The following LDLRAD4 variants were observed in gnomAD, a reference collection of about 807,000 sequenced individuals.
The protein encoded by LDLRAD4 is low density lipoprotein receptor class A domain containing 4, also known as low-density lipoprotein receptor class A domain-containing protein 4.
Under a neutral mutation model 17.0 loss-of-function variants are expected in LDLRAD4, and 5 were observed. The ratio of observed to expected loss-of-function variants is 0.29; its 90% confidence interval spans 0.15 to 0.62. The LOEUF is 0.62. LDLRAD4 is among the 20% of genes least tolerant of loss of function. The pLI is 0.84. For missense variants in LDLRAD4, 340 were observed against 424.7 expected (o/e 0.80, Z 1.75); for synonymous variants, 168 against 171.8 (o/e 0.98, Z 0.17).
At chr18:13,571,785 C>T (rs1311398414) in intron 3 of LDLRAD4, among the ~76,000 whole-genome samples, 23 of 152,026 alleles carry the variant, frequency 1.5e-4, no homozygotes, top group Non-Finnish European at 1.3e-4. Context: ...TACAGGCGCC[C>T]GCCACTATGC....
chr18:13,615,675 G>A (rs1601725974), intron 3 of LDLRAD4: 1 of 152,354 alleles, frequency 6.6e-6, no homozygotes, highest in East Asian at 1.9e-4. Flanking sequence ...TGTCACTGCT[G>A]TACAATAATA....
intron 1 of LDLRAD4, among the ~76,000 whole-genome samples, chr18:13,238,957 G>T (rs1287337593): frequency 6.6e-6 from 1 of 151,994 alleles, no homozygotes; most frequent in Admixed American, 6.6e-5. Flanking sequence ...AGGCTGAGGT[G>T]GGCGGATCAC....
At chr18:13,580,959 T>C (rs186890202) in intron 3 of LDLRAD4, among the ~76,000 whole-genome samples, 1 of 152,378 alleles carries the variant, frequency 6.6e-6, no homozygotes. Flanking sequence ...TTGTGTTCTG[T>C]ATACAGGTTG....
At chr18:13,438,124 A>T in intron 2 of LDLRAD4, 120 bp from the exon 4 acceptor site, 2 of 873,888 alleles carry the variant, frequency 2.3e-6, no homozygotes, top group Non-Finnish European at 3.7e-6. Flanking sequence ...CTCTCCAGAT[A>T]GTCTGAGCTC....
chr18:13,534,570 C>A (rs912976270), intron 3 of LDLRAD4, among the ~76,000 whole-genome samples: 11 of 151,966 alleles, frequency 7.2e-5, no homozygotes, highest in Non-Finnish European at 1.3e-4. Context: ...AAAAGAAAGT[C>A]AAAATAAACA....
intron 1 of LDLRAD4, chr18:13,235,076 C>T (rs564130650): frequency 6.6e-6 from 1 of 152,128 alleles, no homozygotes; most frequent in South Asian, 2.1e-4. Context: ...ATGGAGAAAC[C>T]CTGTCTCTAC....
intron 3 of LDLRAD4, among the ~76,000 whole-genome samples, chr18:13,467,469 A>G (rs1042559703): frequency 4.6e-5 from 7 of 152,268 alleles, no homozygotes; most frequent in Non-Finnish European, 1.0e-4. Flanking sequence ...TGAAAACAAT[A>G]CAAAATATTG....
intron 3 of LDLRAD4, among the ~76,000 whole-genome samples, chr18:13,576,799 G>A (rs543831491): frequency 6.6e-6 from 1 of 152,250 alleles, no homozygotes; most frequent in Non-Finnish European, 1.5e-5. Context: ...GCTGTGGAAG[G>A]TAGAGTGTTA....
chr18:13,363,459 TTC>T (rs1432481895), intron 1 of LDLRAD4, among the ~76,000 whole-genome samples: 1 of 152,142 alleles, frequency 6.6e-6, no homozygotes, highest in Non-Finnish European at 1.5e-5. Context: ...TCAAACAGAT[TTC>T]TCAAGTGTGC....
At chr18:13,631,637 G>GCCA (rs2148893671) in intron 4 of LDLRAD4, among the ~76,000 whole-genome samples, 1 of 152,246 alleles carries the variant, frequency 6.6e-6, no homozygotes, top group South Asian at 2.1e-4. Context: ...ATATTAAAAG[G>GCCA]GTTATACTGG....
At position 13,564,028 on chromosome 18, in the gene LDLRAD4, C is replaced by T. The variant is rs568193367; in HGVS notation, c.182-57089C>T. 1.2e-4 allele frequency among the ~76,000 whole-genome samples: 18 copies of T among 152,332 alleles called. No individual in the cohort carries two copies. The South Asian group carries it at 1.5e-3, about 12-fold the overall frequency. On this transcript the variant is annotated intron_variant, in intron 3 of 5. Transcript: ENST00000359446. ...TCAAGTGGTCCTCCCAACCCAGCCT[C>T]CCAAAGAGCTGGGACCACAGGTATG...
At chr18:13,220,834 T>C (rs757090437) in intron 1 of LDLRAD4, among the ~76,000 whole-genome samples, 5 of 152,340 alleles carry the variant, frequency 3.3e-5, no homozygotes, top group Middle Eastern at 6.8e-3. Context: ...AGAGTGACTT[T>C]TGCTCCTTGT....
intron 2 of LDLRAD4, among the ~76,000 whole-genome samples, chr18:13,406,273 A>G (rs1333371013): frequency 6.6e-6 from 1 of 152,130 alleles, no homozygotes; most frequent in East Asian, 1.9e-4. Context: ...TGAGAGAGTC[A>G]CGGATCTCAG....
chr18:13,289,307 A>T (rs867332838), intron 1 of LDLRAD4, among the ~76,000 whole-genome samples: 1 of 152,242 alleles, frequency 6.6e-6, no homozygotes, highest in Admixed American at 6.5e-5. Context: ...GCATAGGTGT[A>T]TAAACTGAGG....
At chr18:13,244,655 C>T (rs2042869792) in intron 1 of LDLRAD4, among the ~76,000 whole-genome samples, 1 of 152,152 alleles carries the variant, frequency 6.6e-6, no homozygotes, top group Non-Finnish European at 1.5e-5. Context: ...TTTACACCTG[C>T]AAGTGTTGCC....
At chr18:13,547,465 C>T (rs1226254305) in intron 3 of LDLRAD4, among the ~76,000 whole-genome samples, 1 of 152,220 alleles carries the variant, frequency 6.6e-6, no homozygotes, top group African/African-American at 2.4e-5. Flanking sequence ...CTGAGTTTTG[C>T]TCAGGCCCAC....
chr18:13,552,757 G>A (rs1249858168), intron 3 of LDLRAD4, among the ~76,000 whole-genome samples: 1 of 152,152 alleles, frequency 6.6e-6, no homozygotes, highest in Admixed American at 6.5e-5. Context: ...GAATCTGTCC[G>A]TCTCCCTCTT....
chr18:13,243,451 C>T (rs2042769488), intron 1 of LDLRAD4, among the ~76,000 whole-genome samples: 1 of 150,910 alleles, frequency 6.6e-6, no homozygotes, highest in Non-Finnish European at 1.5e-5. Flanking sequence ...CCCACCCAGC[C>T]ACCCACTCGT....
intron 3 of LDLRAD4, among the ~76,000 whole-genome samples, chr18:13,477,684 G>T (rs1228189706): frequency 6.6e-6 from 1 of 152,214 alleles, no homozygotes; most frequent in African/African-American, 2.4e-5. Context: ...GGAGAGCAAA[G>T]AAGTGAGCCC....
Sources: allele counts gnomAD v4.1 joint callset (sites outside exome capture counted in the v4.1 genomes callset), GRCh38; gene constraint gnomAD v4.1.1; transcripts MANE v1.5; gene names NCBI Gene and HGNC (gene_info 2026-07-23, HGNC 2026-07-21).